The following DEFB123 variants were observed in gnomAD, a reference collection of about 807,000 sequenced individuals.
DEFB123 encodes defensin beta 123.
For missense variants in DEFB123, 71 were observed against 75.0 expected (o/e 0.95, Z 0.20); for synonymous variants, 22 against 28.3 (o/e 0.78, Z 0.71).
chr20:31,444,363 A>G (rs1050304986), intron 1 of DEFB123, among the ~76,000 whole-genome samples: 1 of 151,400 alleles, frequency 6.6e-6, no homozygotes, highest in Admixed American at 6.6e-5. Flanking sequence ...ATATCTGGGT[A>G]TCTATTTTTT....
rs372091740 is a variant in DEFB123 at position 31,440,802 on chromosome 20, G to C, written c.58+46G>C. The C allele has an allele frequency of 7.4e-4, 1,179 of 1,600,332 alleles. 2 individuals carry two copies. Among genetic ancestry groups the C allele is most frequent in the Non-Finnish European group, 9.1e-4 (1,063 of 1,171,182 alleles). ...GAAGGGGCAGGGCTTAGAGACTAAG[G>C]CCTGGTCAGAGAATCCCAAGGGCTA... On this transcript the variant is annotated intron_variant, in intron 1 of 1. Coordinates refer to ENST00000376309, the MANE Select transcript of DEFB123 (RefSeq NM_153324.4).
intron 1 of DEFB123, among the ~76,000 whole-genome samples, chr20:31,446,231 T>A (rs568864638): frequency 6.6e-6 from 1 of 152,170 alleles, no homozygotes; most frequent in South Asian, 2.1e-4. Flanking sequence ...TGAAGCAGGG[T>A]CTGATAGACT....
intron 1 of DEFB123, among the ~76,000 whole-genome samples, chr20:31,443,817 C>T (rs951073241): frequency 1.3e-5 from 2 of 152,216 alleles, no homozygotes; most frequent in Non-Finnish European, 2.9e-5. Flanking sequence ...TATTTCCCCT[C>T]TACTTCCTGT....
At chr20:31,442,777 T>G (rs1194380657) in intron 1 of DEFB123, among the ~76,000 whole-genome samples, 1 of 151,718 alleles carries the variant, frequency 6.6e-6, no homozygotes, top group Non-Finnish European at 1.5e-5. Flanking sequence ...CCTGGCAAAT[T>G]TTTGTATTTT....
At chr20:31,442,158 T>C (rs200764036) in intron 1 of DEFB123, among the ~76,000 whole-genome samples, 2 of 152,142 alleles carry the variant, frequency 1.3e-5, no homozygotes, top group Admixed American at 6.5e-5. Flanking sequence ...ACAAGGCACA[T>C]AGGGGCTGGG....
chr20:31,440,779 A>G (rs773993637), intron 1 of DEFB123, 23 bp downstream of exon 1: 2 of 1,612,512 alleles, frequency 1.2e-6, no homozygotes, highest in Non-Finnish European at 1.7e-6. Flanking sequence ...TCCTTAAGGA[A>G]GGGGCAGGGC....
intron 1 of DEFB123, among the ~76,000 whole-genome samples, chr20:31,442,596 CTTT>C (rs397865886): frequency 1.1e-4 from 12 of 105,862 alleles, no homozygotes; most frequent in Non-Finnish European, 1.5e-4. Flanking sequence ...AGGTCATTTG[CTTT>C]TTTTTTTTTT....
chr20:31,440,798 TAAGG>T, intron 1 of DEFB123, 42 bp downstream of exon 1: 1 of 1,608,624 alleles, frequency 6.2e-7, no homozygotes. Context: ...GCTTAGAGAC[TAAGG>T]CCTGGTCAGA....
intron 1 of DEFB123, among the ~76,000 whole-genome samples, chr20:31,449,767 CAAAAAA>C (rs59939526): frequency 3.8e-5 from 2 of 52,484 alleles, no homozygotes; most frequent in African/African-American, 5.4e-5. Flanking sequence ...AGACTCATCT[CAAAAAA>C]AAAAAAAAAA....
intron 1 of DEFB123, among the ~76,000 whole-genome samples, chr20:31,447,474 A>T (rs1197631023): frequency 7.4e-6 from 1 of 134,986 alleles, no homozygotes; most frequent in Non-Finnish European, 1.6e-5. Flanking sequence ...TCCGTTTTCA[A>T]ATACATGAAA....
At chr20:31,449,643 C>T (rs142934224) in intron 1 of DEFB123, among the ~76,000 whole-genome samples, 2 of 151,868 alleles carry the variant, frequency 1.3e-5, no homozygotes, top group African/African-American at 4.8e-5. Flanking sequence ...TGGCACATGT[C>T]TGTTGTCCTA....
chr20:31,449,967 T>C, intron 1 of DEFB123, 62 bp from the exon 2 acceptor site: 1 of 1,510,884 alleles, frequency 6.6e-7, no homozygotes, highest in Non-Finnish European at 8.8e-7. Context: ...TTACAGACCT[T>C]TCAAATCCGG....
In DEFB123 at chr20:31,450,069, T is replaced by A. The variant is rs200752417; in HGVS notation, c.99T>A (p.Arg33=). 86 of 1,612,184 alleles carry A rather than the reference T, an allele frequency of 5.3e-5. No homozygotes were observed. In the Admixed American group the frequency reaches 1.4e-3, roughly 27 times the overall value. Residue 33 remains arginine, a synonymous_variant, in exon 2 of 2, where the codon CGT becomes CGA. Coordinates refer to ENST00000376309, the MANE Select transcript of DEFB123 (RefSeq NM_153324.4). ...GCTGGAATCTTTATGGCAAATGCCG[T>A]TACAGATGCTCCAAGAAGGAAAGAG... ...QRCWNLYGKC[R]YRCSKKERVY...
intron 1 of DEFB123, among the ~76,000 whole-genome samples, chr20:31,446,133 G>T (rs1979579861): frequency 6.6e-6 from 1 of 152,192 alleles, no homozygotes; most frequent in African/African-American, 2.4e-5. Context: ...CCTGTGGGTG[G>T]TTGGGGGCGC....
intron 1 of DEFB123, among the ~76,000 whole-genome samples, chr20:31,447,979 G>A (rs1243782778): frequency 1.3e-5 from 2 of 151,858 alleles, no homozygotes; most frequent in Non-Finnish European, 2.9e-5. Context: ...GTAGAGACGG[G>A]GTTTCACTGT....
At chr20:31,447,888 G>A (rs977645098) in intron 1 of DEFB123, among the ~76,000 whole-genome samples, 4 of 144,128 alleles carry the variant, frequency 2.8e-5, no homozygotes, top group Non-Finnish European at 4.5e-5. Context: ...CCGGGTTCAC[G>A]CCATTGTCCT....
chr20:31,448,876 T>TG (rs1384751178), intron 1 of DEFB123, among the ~76,000 whole-genome samples: 6 of 119,256 alleles, frequency 5.0e-5, no homozygotes, highest in Admixed American at 1.9e-4. Flanking sequence ...CACGCCCAGC[T>TG]AATTTTTTTT....
chr20:31,445,168 C>G (rs1420917724), intron 1 of DEFB123, among the ~76,000 whole-genome samples: 1 of 152,192 alleles, frequency 6.6e-6, no homozygotes, highest in East Asian at 1.9e-4. Flanking sequence ...CAAATCAGCA[C>G]CTGTATCCAG....
chr20:31,440,904 T>G (rs1352798857), intron 1 of DEFB123, 148 bp downstream of exon 1: 3 of 870,290 alleles, frequency 3.4e-6, no homozygotes, highest in Non-Finnish European at 5.5e-6. Flanking sequence ...AGGTGCCAGC[T>G]GATAGATGAC....
Sources: gnomAD v4.1 joint callset for allele counts (sites outside exome capture counted in the v4.1 genomes callset) on GRCh38, gnomAD v4.1.1 for gene constraint, MANE v1.5 for transcripts, NCBI Gene and HGNC (gene_info 2026-07-23, HGNC 2026-07-21) for gene names.